RFX3: variants seen among roughly 807,000 people sequenced by gnomAD.
The protein encoded by RFX3 is regulatory factor X3.
A neutral mutation model predicts 98.6 loss-of-function variants in RFX3; 14 were observed. That is an observed-to-expected ratio of 0.14 (90% CI 0.09 to 0.22). The LOEUF (loss-of-function observed/expected upper bound fraction) is 0.22, where lower values mean the gene tolerates loss of function less well. Among genes scored for constraint, RFX3 ranks in the 10% least tolerant of loss-of-function variants. RFX3 has a pLI of 1.00. For synonymous variants in RFX3, 383 were observed against 328.4 expected, an observed-to-expected ratio of 1.17 and a Z score of -1.80; for missense variants, 639 against 926.9, an observed-to-expected ratio of 0.69 and a Z score of 4.03.
chr9:3,293,024 G>C, intron 6 of RFX3, 53 bp downstream of exon 6: 1 of 1,380,418 alleles, frequency 7.2e-7, no homozygotes. Flanking sequence ...ATATTGAATT[G>C]CCCTAGTTTG....
intron 1 of RFX3, chr9:3,420,894 G>T (rs1275169563): frequency 2.0e-6 from 2 of 984,804 alleles, no homozygotes; most frequent in Non-Finnish European, 2.4e-6. Flanking sequence ...GATATCCTTG[G>T]GTCAAATCTG....
chr9:3,502,580 TA>T (rs1191373887), intron 1 of RFX3, among the ~76,000 whole-genome samples: 6 of 152,216 alleles, frequency 3.9e-5, no homozygotes, highest in Non-Finnish European at 4.4e-5. Flanking sequence ...CAGTCAACAC[TA>T]AATTTGAAAA....
chr9:3,417,700 ACAAAT>A (rs1390408510), intron 1 of RFX3, among the ~76,000 whole-genome samples: 1 of 152,166 alleles, frequency 6.6e-6, no homozygotes, highest in East Asian at 1.9e-4. Context: ...AAATGACTAA[ACAAAT>A]CAACAGTTTT....
At position 3,218,718 on chromosome 9, in the gene RFX3, C is replaced by T. The variant is rs1004023214; in HGVS notation, c.*6324G>A. On this transcript the variant is annotated 3_prime_UTR_variant, in exon 17 of 17. Coordinates refer to ENST00000617270, the MANE Select transcript of RFX3 (RefSeq NM_001282116.2). The stretch of plus-strand genomic sequence containing the variant: ...AGTTTATTCAACTGTAGTCCAAAAA[C>T]TGGAAAAGAACATTACATTATCTCA... 6.6e-6 allele frequency: 1 copy of T among 152,120 alleles called. No homozygotes were observed. Among genetic ancestry groups the T allele is most frequent in the East Asian group, 1.9e-4 (1 of 5,202 alleles). 9.4% of individuals were successfully genotyped at this position (152,120 alleles called of 1,614,324 possible). A position where few individuals can be genotyped will look rare whatever the true frequency, so the allele number is the denominator to read the frequency against.
At chr9:3,445,755 C>T (rs541320316) in intron 1 of RFX3, among the ~76,000 whole-genome samples, 1 of 152,194 alleles carries the variant, frequency 6.6e-6, no homozygotes, top group South Asian at 2.1e-4. Context: ...CCTACTTTTC[C>T]AGCATAATTT....
At chr9:3,440,687 C>A (rs1845538961) in intron 1 of RFX3, among the ~76,000 whole-genome samples, 1 of 152,050 alleles carries the variant, frequency 6.6e-6, no homozygotes, top group Non-Finnish European at 1.5e-5. Flanking sequence ...TAATGCAATC[C>A]AAATCCCAAA....
chr9:3,391,577 G>C (rs1840314203), intron 2 of RFX3, among the ~76,000 whole-genome samples: 1 of 152,162 alleles, frequency 6.6e-6, no homozygotes, highest in Non-Finnish European at 1.5e-5. Context: ...CCTGTTGGGA[G>C]TGAGCCATAT....
intron 15 of RFX3, among the ~76,000 whole-genome samples, chr9:3,245,733 T>C (rs887823923): frequency 6.6e-6 from 1 of 152,180 alleles, no homozygotes; most frequent in Non-Finnish European, 1.5e-5. Flanking sequence ...ATAGTGACAA[T>C]TGTTATTGTC....
rs1563752213 is a variant in RFX3 at position 3,218,641 on chromosome 9, T to C, written c.*6401A>G. On this transcript the variant is annotated 3_prime_UTR_variant, in exon 17 of 17. Transcript: ENST00000617270. ...CGTATTTACAAAATCAAATACATTA[T>C]ACAAAAAACCATCACATGTTATTCG... The C allele has an allele frequency of 1.3e-5, 2 of 152,144 alleles. No individual in the cohort carries two copies. The highest frequency in any genetic ancestry group is 2.4e-5 in the African/African-American group (1 of 41,440). 9.4% of individuals were successfully genotyped at this position (152,144 alleles called of 1,614,324 possible).
intron 2 of RFX3, among the ~76,000 whole-genome samples, chr9:3,347,580 T>G (rs1834588481): frequency 6.6e-6 from 1 of 152,028 alleles, no homozygotes; most frequent in African/African-American, 2.4e-5. Flanking sequence ...TCCCAGCACT[T>G]TGGGAAGTGA....
intron 1 of RFX3, among the ~76,000 whole-genome samples, chr9:3,499,204 A>T (rs2133618400): frequency 6.6e-6 from 1 of 152,252 alleles, no homozygotes; most frequent in South Asian, 2.1e-4. Flanking sequence ...GTCATAATGG[A>T]TATAAATGAA....
At chr9:3,394,824 C>T in intron 2 of RFX3, 1 of 985,212 alleles carries the variant, frequency 1.0e-6, no homozygotes, top group Non-Finnish European at 1.2e-6. Context: ...TGTTCACAAT[C>T]CACATACATG....
At chr9:3,401,660 C>A (rs1841480475) in intron 1 of RFX3, among the ~76,000 whole-genome samples, 1 of 152,320 alleles carries the variant, frequency 6.6e-6, no homozygotes, top group African/African-American at 2.4e-5. Flanking sequence ...GAGACATGCA[C>A]AATTTCAGTC....
chr9:3,234,187 G>A (rs1278230400), intron 15 of RFX3, among the ~76,000 whole-genome samples: 1 of 151,656 alleles, frequency 6.6e-6, no homozygotes, highest in Non-Finnish European at 1.5e-5. Flanking sequence ...CTAGAAGAGG[G>A]GCTGGCACAC....
intron 1 of RFX3, among the ~76,000 whole-genome samples, chr9:3,461,986 C>T (rs1303995585): frequency 6.6e-6 from 1 of 151,886 alleles, no homozygotes; most frequent in South Asian, 2.1e-4. Flanking sequence ...TGTTTGAGTG[C>T]CACAAGTGAA....
rs189245843 is a variant in RFX3, at chr9:3,382,786, T to C, written c.117+12686A>G. On this transcript the variant is annotated intron_variant, in intron 2 of 16. Transcript: ENST00000617270. Reference sequence around the variant, plus strand: ...TTTCAGGACAAGAGTTGATAGGAAATGTAGAGAAAATTAGGCAAAACCTCA... The same window carrying C: ...TTTCAGGACAAGAGTTGATAGGAAACGTAGAGAAAATTAGGCAAAACCTCA... 6.0e-3 allele frequency among the ~76,000 whole-genome samples: 918 copies of C among 152,228 alleles called. 5 individuals carry two copies. The highest frequency in any genetic ancestry group is 0.021 in the African/African-American group (865 of 41,552).
intron 3 of RFX3, among the ~76,000 whole-genome samples, chr9:3,337,648 G>C (rs1176086230): frequency 6.6e-6 from 1 of 152,196 alleles, no homozygotes; most frequent in Non-Finnish European, 1.5e-5. Context: ...GCAGTGGTGT[G>C]GTGTCTGTAC....
At chr9:3,400,192 A>C (rs1293732758) in intron 1 of RFX3, 1 of 970,054 alleles carries the variant, frequency 1.0e-6, no homozygotes, top group Non-Finnish European at 1.2e-6. Flanking sequence ...GGCCATACAG[A>C]CGCTGCACAA....
intron 1 of RFX3, among the ~76,000 whole-genome samples, chr9:3,435,042 T>C (rs982770230): frequency 6.6e-6 from 1 of 151,712 alleles, no homozygotes. Flanking sequence ...GCATAAGAGA[T>C]AAAAAATGGT....
Sources: allele counts gnomAD v4.1 joint callset (sites outside exome capture counted in the v4.1 genomes callset), GRCh38; gene constraint gnomAD v4.1.1; transcripts MANE v1.5; gene names NCBI Gene and HGNC (gene_info 2026-07-23, HGNC 2026-07-21).